Variants in SLC35F3 observed in about 807,000 individuals in gnomAD.
The protein encoded by SLC35F3 is putative thiamine transporter SLC35F3.
In SLC35F3, 25 loss-of-function variants were observed where a neutral mutation model predicts 49.9. The observed-to-expected ratio is 0.50, with a 90% CI of 0.37 to 0.70. The LOEUF is 0.70. Ranked by LOEUF, SLC35F3 falls within the 30% of genes least tolerant of loss-of-function variation. SLC35F3 has a pLI of 0.00. For missense variants in SLC35F3, 525 were observed against 639.8 expected (o/e 0.82, Z 1.94); for synonymous variants, 275 against 265.4 (o/e 1.04, Z -0.35).
chr1:233,954,444 G>A (rs918393785), intron 2 of SLC35F3, among the ~76,000 whole-genome samples: 12 of 152,170 alleles, frequency 7.9e-5, no homozygotes, highest in Non-Finnish European at 1.6e-4. Context: ...TAAGGAGGAG[G>A]TGTTACAAGG....
intron 2 of SLC35F3, among the ~76,000 whole-genome samples, chr1:233,920,260 A>C (rs1489694136): frequency 6.6e-6 from 1 of 152,354 alleles, no homozygotes; most frequent in Admixed American, 6.5e-5. Context: ...TTAAAGAACA[A>C]GTATGCATTA....
At position 234,099,191 on chromosome 1, in the gene SLC35F3, G is replaced by A. The variant is rs140652789; in HGVS notation, c.284-132226G>A. 4.4e-3 allele frequency among the ~76,000 whole-genome samples: 667 copies of A among 152,222 alleles called. 7 individuals carry two copies. Among genetic ancestry groups the A allele is most frequent in the African/African-American group, 0.015 (605 of 41,510 alleles). On this transcript the variant is annotated intron_variant, in intron 2 of 7. Transcript: ENST00000366618. ...ATGGAGGTCCAAGTCTGTTATTGGC[G>A]TGCTGAAACTTAAACTACCATAGTT...
intron 3 of SLC35F3, among the ~76,000 whole-genome samples, chr1:234,236,970 A>C (rs1667485042): frequency 2.1e-5 from 2 of 93,564 alleles, no homozygotes; most frequent in African/African-American, 3.7e-5. Context: ...TATATGGAGG[A>C]AATGGGGCGA....
At chr1:234,263,647 G>C (rs895357722) in intron 3 of SLC35F3, among the ~76,000 whole-genome samples, 1 of 152,228 alleles carries the variant, frequency 6.6e-6, no homozygotes, top group South Asian at 2.1e-4. Flanking sequence ...CAATCCTCTG[G>C]GTAATTCTAA....
intron 2 of SLC35F3, among the ~76,000 whole-genome samples, chr1:234,227,226 A>G (rs10910388): frequency 0.17 from 25,407 of 152,114 alleles, 3,870 homozygotes; most frequent in East Asian, 0.8. Flanking sequence ...GCACAAGATG[A>G]TCATAAACAG....
intron 2 of SLC35F3, among the ~76,000 whole-genome samples, chr1:234,021,464 T>C (rs1402947038): frequency 2.6e-5 from 4 of 152,234 alleles, no homozygotes. Context: ...AAATATTTTA[T>C]CAACCAACTG....
chr1:234,049,100 G>C (rs1044233538), intron 2 of SLC35F3, among the ~76,000 whole-genome samples: 14 of 152,170 alleles, frequency 9.2e-5, no homozygotes, highest in African/African-American at 3.1e-4. Context: ...TTGATGAGTT[G>C]ATGCTGAAAT....
At chr1:234,076,998 G>GTTT (rs56254338) in intron 2 of SLC35F3, among the ~76,000 whole-genome samples, 27 of 91,262 alleles carry the variant, frequency 3.0e-4, no homozygotes, top group African/African-American at 1.2e-3. Context: ...TTTTTTTTTT[G>GTTT]TTTTTTTTTT....
chr1:234,077,492 G>A (rs1207660545), intron 2 of SLC35F3, among the ~76,000 whole-genome samples: 4 of 152,174 alleles, frequency 2.6e-5, no homozygotes, highest in African/African-American at 9.7e-5. Context: ...ACTATCATGA[G>A]AACAGCATGG....
At chr1:234,246,170 G>T (rs767454041) in intron 3 of SLC35F3, among the ~76,000 whole-genome samples, 3 of 152,194 alleles carry the variant, frequency 2.0e-5, no homozygotes, top group African/African-American at 7.2e-5. Flanking sequence ...GCTAGGAAAG[G>T]CTGCCAGTGG....
At chr1:234,221,811 GCAGCCTGGGCTTCTCCTGCTGCAAAGAAA>G (rs1667210347) in intron 2 of SLC35F3, among the ~76,000 whole-genome samples, 1 of 152,190 alleles carries the variant, frequency 6.6e-6, no homozygotes, top group South Asian at 2.1e-4. Context: ...CTGGCCTCTT[GCAGCCTGGGCTTCTCCTGCTGCAAAGAAA>G]GAGGATTATA....
intron 2 of SLC35F3, among the ~76,000 whole-genome samples, chr1:234,125,844 CA>C (rs1665639378): frequency 1.3e-5 from 2 of 152,232 alleles, no homozygotes; most frequent in Admixed American, 1.3e-4. Context: ...TCTTGCACCA[CA>C]ACCCTCGGAC....
intron 2 of SLC35F3, among the ~76,000 whole-genome samples, chr1:233,987,403 A>G (rs933400937): frequency 6.6e-6 from 1 of 152,128 alleles, no homozygotes; most frequent in Non-Finnish European, 1.5e-5. Flanking sequence ...ATGGAATTCT[A>G]AGTATCAATT....
chr1:234,111,830 G>A (rs763010081), intron 2 of SLC35F3, among the ~76,000 whole-genome samples: 2 of 152,190 alleles, frequency 1.3e-5, no homozygotes, highest in Non-Finnish European at 2.9e-5. Flanking sequence ...TTAAAAATAG[G>A]AGAAACAATG....
At chr1:233,976,862 C>T (rs991442848) in intron 2 of SLC35F3, among the ~76,000 whole-genome samples, 2 of 152,216 alleles carry the variant, frequency 1.3e-5, no homozygotes, top group Admixed American at 6.5e-5. Context: ...CCACCCACCT[C>T]GGCCTCCCCA....
intron 3 of SLC35F3, among the ~76,000 whole-genome samples, chr1:234,267,822 T>G: frequency 3.5e-5 from 4 of 114,418 alleles, no homozygotes; most frequent in African/African-American, 7.0e-5. Context: ...CAGACAGGGT[T>G]GCGCCCAGCA....
intron 2 of SLC35F3, among the ~76,000 whole-genome samples, chr1:233,961,179 T>C (rs1186761175): frequency 6.6e-6 from 1 of 152,142 alleles, no homozygotes. Flanking sequence ...CCAGAAAGAA[T>C]ATAGATATAA....
chr1:234,137,649 G>T (rs921969307), intron 2 of SLC35F3, among the ~76,000 whole-genome samples: 1 of 152,196 alleles, frequency 6.6e-6, no homozygotes, highest in Non-Finnish European at 1.5e-5. Flanking sequence ...AGGCATCTTC[G>T]TGTCGTTAGT....
At chr1:234,207,404 TC>T (rs376577732) in intron 2 of SLC35F3, among the ~76,000 whole-genome samples, 8 of 2,946 alleles carry the variant, frequency 2.7e-3, no homozygotes, top group African/African-American at 4.3e-3. Context: ...CCTTCCTCCC[TC>T]CCTCCTTCCT....
Sources: allele counts gnomAD v4.1 joint callset (sites outside exome capture counted in the v4.1 genomes callset), GRCh38; gene constraint gnomAD v4.1.1; transcripts MANE v1.5; gene names NCBI Gene and HGNC (gene_info 2026-07-23, HGNC 2026-07-21).